Variants in ROR2 observed in about 807,000 individuals in gnomAD.
The protein encoded by ROR2 is ROR family WNT receptor 2, also known as tyrosine-protein kinase transmembrane receptor ROR2.
A neutral mutation model predicts 74.9 loss-of-function variants in ROR2; 33 were observed. The observed-to-expected ratio is 0.44, with a 90% CI of 0.33 to 0.59. ROR2 has a LOEUF of 0.59. ROR2 is among the 20% of genes least tolerant of loss of function. The probability of loss-of-function intolerance (pLI) is 0.02; values close to 1 mark genes in which losing one functional copy is unlikely to be tolerated. For missense variants in ROR2, 1,216 were observed against 1,313.8 expected (o/e 0.93, Z 1.15); for synonymous variants, 586 against 558.7 (o/e 1.05, Z -0.69).
chr9:91,922,588 G>C (rs1329039924), intron 1 of ROR2, among the ~76,000 whole-genome samples: 1 of 151,936 alleles, frequency 6.6e-6, no homozygotes, highest in Non-Finnish European at 1.5e-5. Context: ...GAAGTAGCTG[G>C]GACTACAGGC....
chr9:91,897,635 G>T (rs1206703129), intron 1 of ROR2, among the ~76,000 whole-genome samples: 1 of 152,170 alleles, frequency 6.6e-6, no homozygotes, highest in Non-Finnish European at 1.5e-5. Context: ...GATGTGGGGT[G>T]AGCTTGTGGA....
intron 1 of ROR2, among the ~76,000 whole-genome samples, chr9:91,863,429 CA>C (rs1365610748): frequency 1.3e-5 from 2 of 151,658 alleles, no homozygotes; most frequent in Admixed American, 6.6e-5. Context: ...TCATAATAGC[CA>C]AAAAGTAAAA....
intron 1 of ROR2, among the ~76,000 whole-genome samples, chr9:91,884,584 G>A (rs1027478122): frequency 6.6e-5 from 10 of 151,568 alleles, no homozygotes; most frequent in Non-Finnish European, 1.5e-4. Flanking sequence ...AATATTGCCA[G>A]AATATTAATG....
intron 1 of ROR2, among the ~76,000 whole-genome samples, chr9:91,808,802 C>CTAAAAATATAAAAAATATAT (rs1827649049): frequency 6.6e-6 from 1 of 151,058 alleles, no homozygotes; most frequent in South Asian, 2.1e-4. Flanking sequence ...AAAAAATATA[C>CTAAAAATATAAAAAATATAT]ATATTTTTTT....
chr9:91,854,671 C>A (rs1829220916), intron 1 of ROR2, among the ~76,000 whole-genome samples: 1 of 152,182 alleles, frequency 6.6e-6, no homozygotes, highest in African/African-American at 2.4e-5. Context: ...GCCCTGGAGT[C>A]TCCGCTGCCT....
intron 2 of ROR2, among the ~76,000 whole-genome samples, chr9:91,758,599 G>A (rs1300561796): frequency 6.6e-6 from 1 of 152,180 alleles, no homozygotes; most frequent in Non-Finnish European, 1.5e-5. Flanking sequence ...ACACTAGGGG[G>A]CACACAGGGT....
chr9:91,870,690 C>A (rs1430355860), intron 1 of ROR2, among the ~76,000 whole-genome samples: 1 of 152,122 alleles, frequency 6.6e-6, no homozygotes, highest in Non-Finnish European at 1.5e-5. Context: ...GTGCAGGTGT[C>A]AAAAAGAAAA....
chr9:91,785,938 C>T (rs1028514677), intron 1 of ROR2, among the ~76,000 whole-genome samples: 1 of 152,150 alleles, frequency 6.6e-6, no homozygotes, highest in Non-Finnish European at 1.5e-5. Context: ...AACTTTAAAA[C>T]TCTACCATAC....
chr9:91,724,555 T>A lies in ROR2; in HGVS notation c.1939A>T (p.Lys647Ter). The A allele has an allele frequency of 6.2e-7, 1 of 1,614,152 alleles. No homozygotes were observed. The highest frequency in any genetic ancestry group is 8.5e-7 in the Non-Finnish European group (1 of 1,180,020). ...FREVYAADYY[K>*]LLGNSLLPIR... ...GGCAGCAGCGAGTTCCCCAGCAGCTTGTAGTAATCGGCGGCATACACCTCT... is the reference window on the plus strand; with the variant it reads ...GGCAGCAGCGAGTTCCCCAGCAGCTAGTAGTAATCGGCGGCATACACCTCT... Residue 647 changes from lysine (K) to a stop codon, truncating the protein, a stop_gained, in exon 9 of 9, where the codon AAG becomes TAG. Transcript: ENST00000375708. LOFTEE classifies it high-confidence loss of function.
intron 2 of ROR2, among the ~76,000 whole-genome samples, chr9:91,758,932 A>G (rs1405853464): frequency 6.6e-6 from 1 of 152,234 alleles, no homozygotes; most frequent in Non-Finnish European, 1.5e-5. Context: ...AGGGAAAACT[A>G]ATGTTGGACA....
At chr9:91,806,105 GA>G (rs763141072) in intron 1 of ROR2, among the ~76,000 whole-genome samples, 54 of 152,344 alleles carry the variant, frequency 3.5e-4, no homozygotes, top group Non-Finnish European at 6.3e-4. Context: ...GAGGGCTGAA[GA>G]AAGGACCCAG....
At chr9:91,942,257 T>C (rs1180270220) in intron 1 of ROR2, among the ~76,000 whole-genome samples, 2 of 152,214 alleles carry the variant, frequency 1.3e-5, no homozygotes, top group African/African-American at 4.8e-5. Context: ...AAATGATGTA[T>C]GCTCTTGGGA....
At chr9:91,847,980 T>G (rs1346383330) in intron 1 of ROR2, among the ~76,000 whole-genome samples, 1 of 152,164 alleles carries the variant, frequency 6.6e-6, no homozygotes, top group Non-Finnish European at 1.5e-5. Flanking sequence ...AGATGAGCCT[T>G]TTAAAGAAAG....
intron 8 of ROR2, among the ~76,000 whole-genome samples, chr9:91,726,223 C>T (rs1376014662): frequency 6.6e-6 from 1 of 152,178 alleles, no homozygotes; most frequent in Non-Finnish European, 1.5e-5. Context: ...CCCTGTTGTT[C>T]TTGTGTGTCT....
intron 4 of ROR2, among the ~76,000 whole-genome samples, chr9:91,747,771 T>G (rs1825471349): frequency 6.6e-6 from 1 of 152,162 alleles, no homozygotes; most frequent in African/African-American, 2.4e-5. Flanking sequence ...GTCAGTCTAC[T>G]GAAACAGAAT....
chr9:91,796,612 C>T (rs572077866), intron 1 of ROR2, among the ~76,000 whole-genome samples: 5 of 152,112 alleles, frequency 3.3e-5, no homozygotes, highest in East Asian at 1.9e-4. Context: ...CTGGGTGGGA[C>T]GCTGACGCCC....
At chr9:91,829,131 A>C (rs1279619960) in intron 1 of ROR2, among the ~76,000 whole-genome samples, 1 of 152,204 alleles carries the variant, frequency 6.6e-6, no homozygotes, top group Non-Finnish European at 1.5e-5. Context: ...GCACTGTCCC[A>C]CCTCCAAGCC....
At chr9:91,726,817 C>G (rs1837058150) in intron 7 of ROR2, 74 bp from the exon 8 acceptor site, 1 of 1,449,858 alleles carries the variant, frequency 6.9e-7, no homozygotes. Context: ...CCAACCCACT[C>G]TCCACCTCCA....
chr9:91,846,243 G>A (rs1219547874), intron 1 of ROR2, among the ~76,000 whole-genome samples: 1 of 152,198 alleles, frequency 6.6e-6, no homozygotes, highest in Non-Finnish European at 1.5e-5. Flanking sequence ...ATATGTCAAA[G>A]CCTGAACCTC....
Sources: allele counts gnomAD v4.1 joint callset (sites outside exome capture counted in the v4.1 genomes callset), GRCh38; gene constraint gnomAD v4.1.1; transcripts MANE v1.5; gene names NCBI Gene and HGNC (gene_info 2026-07-23, HGNC 2026-07-21).